The following TAX1BP1 variants were observed in gnomAD, a reference collection of about 807,000 sequenced individuals.
TAX1BP1 encodes tax1-binding protein 1.
In TAX1BP1, 62 loss-of-function variants were observed where a neutral mutation model predicts 97.7. The observed-to-expected ratio is 0.63, with a 90% CI of 0.52 to 0.78. TAX1BP1 has a LOEUF of 0.78. Ranked by LOEUF, TAX1BP1 falls within the 30% of genes least tolerant of loss-of-function variation. TAX1BP1 has a pLI of 0.00. For missense variants in TAX1BP1, 867 were observed against 916.1 expected, an observed-to-expected ratio of 0.95 and a Z score of 0.69; for synonymous variants, 340 against 304.2, an observed-to-expected ratio of 1.12 and a Z score of -1.23.
rs181918947 is a variant in TAX1BP1 at position 27,822,453 on chromosome 7, C to T, written c.2086-5285C>T. ...TACCTAAACCTTTTGAAAAACTGCC[C>T]GATTGTTTTCCCCAGTGGCTGCATG... On this transcript the variant is annotated intron_variant, in intron 15 of 16. Coordinates refer to ENST00000396319, the MANE Select transcript of TAX1BP1 (RefSeq NM_006024.7). 2.5e-3 allele frequency among the ~76,000 whole-genome samples: 373 copies of T among 152,190 alleles called. 1 individual carries two copies. Among genetic ancestry groups the T allele is most frequent in the African/African-American group, 8.6e-3 (356 of 41,516 alleles).
At chr7:27,767,924 T>C (rs1365342493) in intron 4 of TAX1BP1, among the ~76,000 whole-genome samples, 1 of 152,062 alleles carries the variant, frequency 6.6e-6, no homozygotes, top group African/African-American at 2.4e-5. Context: ...AAAATCTTTA[T>C]CTAAAACTGC....
chr7:27,771,073 C>T (rs945988732), intron 5 of TAX1BP1, among the ~76,000 whole-genome samples: 7 of 131,680 alleles, frequency 5.3e-5, no homozygotes, highest in East Asian at 2.3e-4. Flanking sequence ...TATGTGCCCT[C>T]GATGACTATT....
upstream of TAX1BP1, chr7:27,739,928 A>C (rs2128304625): frequency 6.6e-6 from 1 of 152,378 alleles, no homozygotes. Context: ...AATAACATAA[A>C]ATCAGAATGT....
chr7:27,739,884 C>A (rs1276371693), upstream of TAX1BP1: 3 of 152,338 alleles, frequency 2.0e-5, no homozygotes, highest in Admixed American at 6.5e-5. Flanking sequence ...TTACTTAAAC[C>A]TCCTGTGTGT....
intron 15 of TAX1BP1, among the ~76,000 whole-genome samples, chr7:27,821,136 A>T (rs886189435): frequency 2.6e-5 from 4 of 152,134 alleles, no homozygotes; most frequent in Non-Finnish European, 1.5e-5. Flanking sequence ...TCCATTTAAA[A>T]TTTTTTGTAC....
chr7:27,796,861 A>T (rs1789952919), intron 12 of TAX1BP1, among the ~76,000 whole-genome samples: 1 of 152,124 alleles, frequency 6.6e-6, no homozygotes, highest in African/African-American at 2.4e-5. Flanking sequence ...CTCTAAAAAA[A>T]AATAATAAAT....
At chr7:27,778,661 G>A (rs1389593840) in intron 5 of TAX1BP1, among the ~76,000 whole-genome samples, 1 of 151,892 alleles carries the variant, frequency 6.6e-6, no homozygotes, top group Admixed American at 6.6e-5. Flanking sequence ...TCAAGAGATC[G>A]AGACCATCCT....
At chr7:27,819,665 A>C (rs1392152828) in intron 15 of TAX1BP1, among the ~76,000 whole-genome samples, 4 of 152,210 alleles carry the variant, frequency 2.6e-5, no homozygotes, top group Admixed American at 6.5e-5. Flanking sequence ...GACTTGAAGG[A>C]TATTTTCAGC....
intron 13 of TAX1BP1, among the ~76,000 whole-genome samples, chr7:27,813,990 T>G (rs1161787728): frequency 6.6e-6 from 1 of 152,144 alleles, no homozygotes; most frequent in Non-Finnish European, 1.5e-5. Context: ...ACTGCAACTT[T>G]AAGCGAAAGG....
At chr7:27,796,278 C>A in intron 12 of TAX1BP1, 59 bp downstream of exon 12, 2 of 1,313,098 alleles carry the variant, frequency 1.5e-6, no homozygotes, top group Non-Finnish European at 2.1e-6. Flanking sequence ...CTTAGCTTAC[C>A]TTTATTGTTT....
At chr7:27,805,020 C>T (rs1790283188) in intron 13 of TAX1BP1, among the ~76,000 whole-genome samples, 1 of 152,148 alleles carries the variant, frequency 6.6e-6, no homozygotes, top group Non-Finnish European at 1.5e-5. Context: ...GGGGTGGTAC[C>T]TTCAAGGTAA....
chr7:27,790,531 G>A (rs1244643503), intron 8 of TAX1BP1, among the ~76,000 whole-genome samples: 2 of 151,218 alleles, frequency 1.3e-5, no homozygotes, highest in Non-Finnish European at 3.0e-5. Context: ...TGTAATGTCT[G>A]CACAGACTTT....
intron 4 of TAX1BP1, among the ~76,000 whole-genome samples, 184 bp from the exon 5 acceptor site, chr7:27,769,492 T>A (rs1288059773): frequency 6.6e-6 from 1 of 151,998 alleles, no homozygotes; most frequent in East Asian, 1.9e-4. Flanking sequence ...GGTTTAAATT[T>A]ATGATTGATG....
intron 4 of TAX1BP1, among the ~76,000 whole-genome samples, chr7:27,769,138 T>C (rs1788750182): frequency 6.7e-6 from 1 of 150,228 alleles, no homozygotes; most frequent in Non-Finnish European, 1.5e-5. Context: ...ATGAAGAGTG[T>C]TTTAATTTAG....
At chr7:27,789,101 A>G (rs983589173) in intron 8 of TAX1BP1, among the ~76,000 whole-genome samples, 3 of 152,002 alleles carry the variant, frequency 2.0e-5, no homozygotes, top group African/African-American at 7.2e-5. Flanking sequence ...TATTACATCA[A>G]TGCCACTTCC....
intron 16 of TAX1BP1, among the ~76,000 whole-genome samples, chr7:27,828,268 G>A (rs1791262137): frequency 1.3e-5 from 2 of 152,308 alleles, no homozygotes; most frequent in African/African-American, 4.8e-5. Context: ...AAATGCACTG[G>A]TGGGAAGTTA....
intron 3 of TAX1BP1, among the ~76,000 whole-genome samples, chr7:27,765,630 G>A (rs1788602901): frequency 6.6e-6 from 1 of 152,122 alleles, no homozygotes; most frequent in African/African-American, 2.4e-5. Flanking sequence ...GGGAATATAA[G>A]CTTAAACCTA....
At position 27,793,083 on chromosome 7, in the gene TAX1BP1, GGAACACGAACTAAGAA is replaced by G. The variant is rs1248287539; in HGVS notation, c.1284_1299del (p.His429LysfsTer5). Reference sequence around the variant, plus strand: ...CTTTCTAGGACAAGACTGATACACTGGAACACGAACTAAGAAGAGAAGTTGAAGATCTGAAACTCCG... The same window carrying G: ...CTTTCTAGGACAAGACTGATACACTGGAGAAGTTGAAGATCTGAAACTCCG... On this transcript the variant is annotated frameshift_variant, in exon 10 of 17. Coordinates refer to ENST00000396319, the MANE Select transcript of TAX1BP1 (RefSeq NM_006024.7). LOFTEE classifies it high-confidence loss of function. 6.2e-7 allele frequency: 1 copy of G among 1,600,078 alleles called. No homozygotes were observed. The highest frequency in any genetic ancestry group is 1.8e-5 in the Admixed American group (1 of 55,298).
intron 2 of TAX1BP1, among the ~76,000 whole-genome samples, chr7:27,749,623 A>G (rs1787951335): frequency 6.6e-6 from 1 of 152,228 alleles, no homozygotes; most frequent in Non-Finnish European, 1.5e-5. Flanking sequence ...CAATTTTGGC[A>G]TTTAATGACT....
Sources: allele counts gnomAD v4.1 joint callset (sites outside exome capture counted in the v4.1 genomes callset), GRCh38; gene constraint gnomAD v4.1.1; transcripts MANE v1.5; gene names NCBI Gene and HGNC (gene_info 2026-07-23, HGNC 2026-07-21).